Variants in ESCO2 observed in about 807,000 individuals in gnomAD.
ESCO2 encodes establishment of sister chromatid cohesion N-acetyltransferase 2.
Under a neutral mutation model 61.7 loss-of-function variants are expected in ESCO2, and 51 were observed. The observed-to-expected ratio is 0.83, with a 90% confidence interval of 0.66 to 1.04. ESCO2 has a LOEUF of 1.04. Among genes scored for constraint, ESCO2 ranks in the 50% least tolerant of loss-of-function variants. The pLI is 0.00. For synonymous variants in ESCO2, 230 were observed against 238.2 expected, an observed-to-expected ratio of 0.97 and a Z score of 0.32; for missense variants, 692 against 686.2, an observed-to-expected ratio of 1.01 and a Z score of -0.09.
chr8:27,787,326 T>C lies in ESCO2; in HGVS notation c.1014-559T>C, dbSNP rs991947565. 1.2e-4 allele frequency among the ~76,000 whole-genome samples: 17 copies of C among 146,260 alleles called. No individual in the cohort carries two copies. The East Asian group carries it at 2.4e-3, about 20-fold the overall frequency. The stretch of plus-strand genomic sequence containing the variant: ...ACAGCTATCCAGCCTAAATATGTTT[T>C]TGTTTTTTTTTTTTCCTTAAGAATT... On this transcript the variant is annotated intron_variant, in intron 5 of 10. Transcript: ENST00000305188.
intron 7 of ESCO2, among the ~76,000 whole-genome samples, chr8:27,791,454 G>C (rs1304723874): frequency 1.1e-4 from 17 of 152,142 alleles, no homozygotes; most frequent in Admixed American, 1.1e-3. Flanking sequence ...TAATATTTCA[G>C]TATCATTCAA....
At chr8:27,813,160 C>G (rs1805730077), downstream of ESCO2, among the ~76,000 whole-genome samples, 1 of 152,152 alleles carries the variant, frequency 6.6e-6, no homozygotes, top group Non-Finnish European at 1.5e-5. Context: ...GAGTTCATAT[C>G]CTTTGCAGGG....
chr8:27,801,093 G>A (rs1805413125), intron 10 of ESCO2, among the ~76,000 whole-genome samples: 1 of 152,160 alleles, frequency 6.6e-6, no homozygotes, highest in Non-Finnish European at 1.5e-5. Context: ...TACAGTATAT[G>A]AGTTATATCT....
downstream of ESCO2, among the ~76,000 whole-genome samples, chr8:27,806,707 C>T (rs1054036229): frequency 4.6e-5 from 7 of 151,934 alleles, no homozygotes; most frequent in Admixed American, 3.9e-4. Flanking sequence ...GCAACCTCCA[C>T]CTCCCGGGTT....
downstream of ESCO2, among the ~76,000 whole-genome samples, chr8:27,815,534 G>A (rs1039307266): frequency 3.3e-5 from 5 of 152,168 alleles, no homozygotes; most frequent in African/African-American, 1.2e-4. Flanking sequence ...CAAGAGAAAA[G>A]CCTATAGACA....
downstream of ESCO2, among the ~76,000 whole-genome samples, chr8:27,806,629 T>G (rs1272182310): frequency 6.6e-6 from 1 of 151,978 alleles, no homozygotes; most frequent in African/African-American, 2.4e-5. Context: ...TCTTTTTTTT[T>G]TTTTTTTTAG....
intron 10 of ESCO2, among the ~76,000 whole-genome samples, chr8:27,800,649 G>A (rs1805403037): frequency 6.6e-6 from 1 of 152,130 alleles, no homozygotes; most frequent in Non-Finnish European, 1.5e-5. Context: ...CCTTGCACAT[G>A]AAGGTTCATA....
chr8:27,803,670 C>T lies in ESCO2; in HGVS notation c.*232C>T, dbSNP rs879614996. On this transcript the variant is annotated 3_prime_UTR_variant, in exon 11 of 11. Coordinates refer to ENST00000305188, the MANE Select transcript of ESCO2 (RefSeq NM_001017420.3). ...TCAAAGGAAAAATCTTTGGGTGATT[C>T]CCTGATTAGCACTCTGAATGTTTAA... The T allele has an allele frequency of 1.1e-5, 14 of 1,319,230 alleles. No homozygotes were observed. Among genetic ancestry groups the T allele is most frequent in the Non-Finnish European group, 1.3e-5 (14 of 1,037,592 alleles). 81.7% of individuals were successfully genotyped at this position (1,319,230 alleles called of 1,614,324 possible). A position where few individuals can be genotyped will look rare whatever the true frequency, so the allele number is the denominator to read the frequency against.
At chr8:27,816,343 CTATA>C (rs767822258), downstream of ESCO2, among the ~76,000 whole-genome samples, 3 of 136,370 alleles carry the variant, frequency 2.2e-5, no homozygotes, top group Non-Finnish European at 4.6e-5. Flanking sequence ...TCATCGAATA[CTATA>C]TATATATATA....
intron 9 of ESCO2, 151 bp from the exon 10 acceptor site, chr8:27,799,390 A>G: frequency 3.6e-6 from 3 of 843,344 alleles, no homozygotes. Flanking sequence ...TTGTGTGACT[A>G]AAGGGATAAG....
intron 7 of ESCO2, 82 bp downstream of exon 7, chr8:27,789,060 G>C: frequency 1.3e-6 from 2 of 1,563,842 alleles, no homozygotes; most frequent in South Asian, 1.1e-5. Context: ...CTACCACCCA[G>C]CCGGAAAAGT....
chr8:27,810,475 CAA>C (rs777281564), downstream of ESCO2: 1 of 1,602,890 alleles, frequency 6.2e-7, no homozygotes, highest in East Asian at 2.2e-5. Flanking sequence ...GCTTCATCAT[CAA>C]AATCACTTTC....
downstream of ESCO2, among the ~76,000 whole-genome samples, chr8:27,814,397 TTGG>T (rs1259799176): frequency 2.0e-5 from 3 of 152,188 alleles, no homozygotes; most frequent in East Asian, 3.8e-4. Context: ...ATTCCTGTTG[TTGG>T]TGACTTGTGT....
chr8:27,805,702 C>T (rs1167504819), downstream of ESCO2, among the ~76,000 whole-genome samples: 1 of 152,132 alleles, frequency 6.6e-6, no homozygotes, highest in Admixed American at 6.5e-5. Context: ...CCTCGACCTC[C>T]CAGGTTCAAG....
downstream of ESCO2, chr8:27,811,078 C>G: frequency 6.8e-6 from 11 of 1,613,412 alleles, no homozygotes; most frequent in Non-Finnish European, 9.3e-6. Context: ...TTCTCCTCCA[C>G]AGCTTCTTTG....
intron 9 of ESCO2, among the ~76,000 whole-genome samples, chr8:27,796,384 A>G (rs953291911): frequency 6.6e-6 from 1 of 151,984 alleles, no homozygotes; most frequent in Non-Finnish European, 1.5e-5. Flanking sequence ...CATTTTGCGA[A>G]TCTTTTCTAT....
At chr8:27,806,620 CTTT>C (rs398067714), downstream of ESCO2, among the ~76,000 whole-genome samples, 9 of 136,086 alleles carry the variant, frequency 6.6e-5, no homozygotes, top group Admixed American at 1.5e-4. Flanking sequence ...TGGATACTTT[CTTT>C]TTTTTTTTTT....
intron 4 of ESCO2, among the ~76,000 whole-genome samples, chr8:27,781,813 GAGTGCTGGGATTAC>G (rs1388424737): frequency 3.3e-5 from 5 of 151,982 alleles, no homozygotes; most frequent in African/African-American, 1.2e-4. Context: ...CAGCCTCCCA[GAGTGCTGGGATTAC>G]AGGCATAAGC....
In ESCO2 at chr8:27,783,867, A is replaced by G. The variant is rs1197573939; in HGVS notation, c.956-133A>G. 7 of 853,648 alleles carry G rather than the reference A, an allele frequency of 8.2e-6. No individual in the cohort carries two copies. The East Asian group carries it at 1.0e-4, about 13-fold the overall frequency. 52.9% of individuals were successfully genotyped at this position (853,648 alleles called of 1,614,324 possible). On this transcript the variant is annotated intron_variant, in intron 4 of 10. Transcript: ENST00000305188. ...ATCTGTTGAGGACTGTTTTTCCTCC[A>G]TGGAATTACCTTTGCCTCTTTGTTA...
Sources: allele counts gnomAD v4.1 joint callset (sites outside exome capture counted in the v4.1 genomes callset), GRCh38; gene constraint gnomAD v4.1.1; transcripts MANE v1.5; gene names NCBI Gene and HGNC (gene_info 2026-07-23, HGNC 2026-07-21).